WLS: variants seen among roughly 807,000 people sequenced by gnomAD.
WLS encodes Wnt ligand secretion mediator.
A neutral mutation model predicts 62.8 loss-of-function variants in WLS; 23 were observed. That is an observed-to-expected ratio of 0.37 (90% confidence interval 0.26 to 0.52). WLS has a LOEUF of 0.52. WLS is among the 20% of genes least tolerant of loss of function. WLS has a pLI of 0.92. For synonymous variants in WLS, 246 were observed against 244.1 expected, an observed-to-expected ratio of 1.01 and a Z score of -0.07; for missense variants, 615 against 697.3, an observed-to-expected ratio of 0.88 and a Z score of 1.33.
chr1:68,207,284 A>AT (rs1253190971), intron 1 of WLS, among the ~76,000 whole-genome samples: 15 of 152,232 alleles, frequency 9.9e-5, no homozygotes, highest in African/African-American at 3.1e-4. Flanking sequence ...AATACAACAC[A>AT]AAGACATTCC....
At chr1:68,188,271 AAAC>A (rs2100588081) in intron 2 of WLS, among the ~76,000 whole-genome samples, 1 of 152,376 alleles carries the variant, frequency 6.6e-6, no homozygotes, top group African/African-American at 2.4e-5. Context: ...CTGAAATGTT[AAAC>A]AACAGAACTC....
At chr1:68,125,235 G>T, downstream of WLS, 1 of 847,812 alleles carries the variant, frequency 1.2e-6, no homozygotes, top group Non-Finnish European at 1.4e-6. Flanking sequence ...CTTTCTCCAG[G>T]AATAGGTATT....
chr1:68,171,176 G>C (rs772416697), intron 2 of WLS, among the ~76,000 whole-genome samples: 4 of 151,874 alleles, frequency 2.6e-5, no homozygotes, highest in Non-Finnish European at 5.9e-5. Flanking sequence ...TGGTGTCCTC[G>C]CACAAGATTG....
chr1:68,227,710 A>G (rs1220412407), intron 1 of WLS, among the ~76,000 whole-genome samples: 2 of 152,174 alleles, frequency 1.3e-5, no homozygotes, highest in Non-Finnish European at 2.9e-5. Context: ...TGAATACAGA[A>G]AAATATGACT....
chr1:68,116,797 TAA>T (rs1187549099), intron 11 of WLS, among the ~76,000 whole-genome samples: 1 of 152,186 alleles, frequency 6.6e-6, no homozygotes, highest in African/African-American at 2.4e-5. Context: ...TCTTTCAAGA[TAA>T]AAACTCTTTT....
chr1:68,125,105 T>G (rs1236039508), downstream of WLS, among the ~76,000 whole-genome samples: 1 of 152,196 alleles, frequency 6.6e-6, no homozygotes, highest in African/African-American at 2.4e-5. Context: ...AAAGTCTGAA[T>G]AGGGCAGAGG....
chr1:68,225,906 GT>G (rs1249701502), intron 1 of WLS, among the ~76,000 whole-genome samples: 1 of 152,158 alleles, frequency 6.6e-6, no homozygotes, highest in Non-Finnish European at 1.5e-5. Flanking sequence ...ATTCTTGCAA[GT>G]AGCAGAATCT....
At chr1:68,229,242 G>A (rs1220759713) in intron 1 of WLS, among the ~76,000 whole-genome samples, 2 of 152,032 alleles carry the variant, frequency 1.3e-5, no homozygotes, top group African/African-American at 4.8e-5. Context: ...TGTGTGTGTG[G>A]TGTATGCAGT....
At chr1:68,165,405 A>C (rs950704786) in intron 2 of WLS, among the ~76,000 whole-genome samples, 3 of 152,022 alleles carry the variant, frequency 2.0e-5, no homozygotes, top group African/African-American at 7.3e-5. Flanking sequence ...AGACCCCCTC[A>C]CTTCTAGACC....
intron 2 of WLS, among the ~76,000 whole-genome samples, chr1:68,176,966 T>G (rs894738623): frequency 4.6e-5 from 7 of 152,222 alleles, no homozygotes; most frequent in African/African-American, 1.7e-4. Context: ...ATGTTCCCAT[T>G]GCTAACTCTT....
chr1:68,189,338 C>A (rs1263894806), intron 2 of WLS, among the ~76,000 whole-genome samples: 1 of 152,066 alleles, frequency 6.6e-6, no homozygotes, highest in Non-Finnish European at 1.5e-5. Flanking sequence ...AAAAAAAAAT[C>A]TTATGCTGAG....
intron 5 of WLS, among the ~76,000 whole-genome samples, chr1:68,151,780 A>T (rs560043188): frequency 6.6e-6 from 1 of 152,122 alleles, no homozygotes; most frequent in South Asian, 2.1e-4. Flanking sequence ...AAGGCACCCA[A>T]TCATCAAGGG....
At chr1:68,148,331 A>G in intron 7 of WLS, 132 bp from the exon 8 acceptor site, 2 of 941,622 alleles carry the variant, frequency 2.1e-6, no homozygotes, top group South Asian at 3.1e-5. Context: ...CATTACAGAA[A>G]TCCTAAAGAG....
intron 10 of WLS, among the ~76,000 whole-genome samples, chr1:68,140,492 T>C (rs1475954418): frequency 6.6e-6 from 1 of 152,178 alleles, no homozygotes; most frequent in Non-Finnish European, 1.5e-5. Flanking sequence ...TAACATATGG[T>C]ATAAACTGGA....
At chr1:68,179,324 A>G (rs1483948704) in intron 2 of WLS, among the ~76,000 whole-genome samples, 1 of 152,178 alleles carries the variant, frequency 6.6e-6, no homozygotes, top group Non-Finnish European at 1.5e-5. Context: ...GGGGTCGTCT[A>G]GTATAATTTC....
chr1:68,148,528 C>G, intron 7 of WLS, 35 bp downstream of exon 7: 1 of 1,600,468 alleles, frequency 6.2e-7, no homozygotes, highest in South Asian at 1.1e-5. Flanking sequence ...TGGTGATGCA[C>G]AGTTTGGCTC....
intron 1 of WLS, among the ~76,000 whole-genome samples, chr1:68,220,175 G>T (rs1036480348): frequency 6.6e-6 from 1 of 152,154 alleles, no homozygotes; most frequent in Non-Finnish European, 1.5e-5. Flanking sequence ...CCTGCTTATT[G>T]GACTATTGGC....
At chr1:68,114,121 GA>G (rs1360533538) in intron 11 of WLS, among the ~76,000 whole-genome samples, 1 of 152,166 alleles carries the variant, frequency 6.6e-6, no homozygotes, top group African/African-American at 2.4e-5. Context: ...CAGATGGAGT[GA>G]GCCCATGGGG....
chr1:68,177,532 T>C (rs1647312218), intron 2 of WLS, among the ~76,000 whole-genome samples: 1 of 152,136 alleles, frequency 6.6e-6, no homozygotes, highest in Admixed American at 6.5e-5. Flanking sequence ...CACTCTTATT[T>C]ATTTATTTAG....
Sources: allele counts gnomAD v4.1 joint callset (sites outside exome capture counted in the v4.1 genomes callset), GRCh38; gene constraint gnomAD v4.1.1; transcripts MANE v1.5; gene names NCBI Gene and HGNC (gene_info 2026-07-23, HGNC 2026-07-21).